The following ACTR3 variants were observed in gnomAD, a reference collection of about 807,000 sequenced individuals.
ACTR3 encodes the protein actin-related protein 3.
In ACTR3, 12 loss-of-function variants were observed where a neutral mutation model predicts 56.8. The observed-to-expected ratio is 0.21, with a 90% CI of 0.14 to 0.34. The LOEUF is 0.34. Ranked by LOEUF, ACTR3 falls within the 10% of genes least tolerant of loss-of-function variation. The pLI is 1.00. For synonymous variants in ACTR3, 162 were observed against 167.4 expected, an observed-to-expected ratio of 0.97 and a Z score of 0.25; for missense variants, 282 against 512.5, an observed-to-expected ratio of 0.55 and a Z score of 4.34.
intron 8 of ACTR3, among the ~76,000 whole-genome samples, chr2:113,944,894 C>T (rs1372675570): frequency 1.3e-5 from 2 of 151,956 alleles, no homozygotes; most frequent in African/African-American, 4.8e-5. Context: ...GGTTAGATAC[C>T]CAAAACTTTT....
At chr2:113,912,906 T>C (rs989046860) in intron 1 of ACTR3, among the ~76,000 whole-genome samples, 1 of 151,710 alleles carries the variant, frequency 6.6e-6, no homozygotes, top group Non-Finnish European at 1.5e-5. Flanking sequence ...AGAAGCAAGA[T>C]TGTAGCTAAT....
chr2:113,900,316 A>G (rs991123100), intron 1 of ACTR3, among the ~76,000 whole-genome samples: 12 of 152,070 alleles, frequency 7.9e-5, no homozygotes, highest in Admixed American at 2.6e-4. Context: ...CTTAGCAAAC[A>G]CTAATTTACT....
intron 4 of ACTR3, among the ~76,000 whole-genome samples, chr2:113,929,430 C>G (rs1419534457): frequency 6.6e-6 from 1 of 151,972 alleles, no homozygotes; most frequent in African/African-American, 2.4e-5. Flanking sequence ...TGGCTTAGTT[C>G]TAGTTTTTGG....
intron 3 of ACTR3, among the ~76,000 whole-genome samples, chr2:113,924,552 C>G (rs948840629): frequency 6.6e-6 from 1 of 152,158 alleles, no homozygotes; most frequent in African/African-American, 2.4e-5. Flanking sequence ...AAAAATTTCT[C>G]TGCTGTTTTA....
rs759848544 is a variant in ACTR3, at chr2:113,927,464, C to T, written c.336+9C>T. 5.8e-6 allele frequency: 9 copies of T among 1,562,442 alleles called. No homozygotes were observed. In the Admixed American group the frequency reaches 1.5e-4, roughly 26 times the overall value. On this transcript the variant is annotated intron_variant, in intron 4 of 11. Coordinates refer to ENST00000263238, the MANE Select transcript of ACTR3 (RefSeq NM_005721.5). ...ACCATTATTTTCTTTTGGTAAGTTACAAGTTATAATTTCACTGAGGAAATT... is the reference window on the plus strand; with the variant it reads ...ACCATTATTTTCTTTTGGTAAGTTATAAGTTATAATTTCACTGAGGAAATT...
At chr2:113,931,271 A>G in intron 4 of ACTR3, 30 bp from the exon 5 acceptor site, 2 of 1,281,128 alleles carry the variant, frequency 1.6e-6, no homozygotes, top group South Asian at 1.4e-5. Context: ...ATCTGATATT[A>G]TCTATTTAAA....
intron 1 of ACTR3, among the ~76,000 whole-genome samples, chr2:113,891,883 CA>C (rs1678908868): frequency 6.6e-6 from 1 of 151,954 alleles, no homozygotes; most frequent in Non-Finnish European, 1.5e-5. Context: ...TTCTCTGAAC[CA>C]ATAATTTTTT....
At chr2:113,910,743 C>G (rs1205186560) in intron 1 of ACTR3, among the ~76,000 whole-genome samples, 2 of 152,166 alleles carry the variant, frequency 1.3e-5, no homozygotes, top group East Asian at 3.9e-4. Context: ...GGTGTGTAAG[C>G]AGAGGAAAAA....
chr2:113,909,505 C>T (rs2104590047), intron 1 of ACTR3, among the ~76,000 whole-genome samples: 1 of 152,004 alleles, frequency 6.6e-6, no homozygotes, highest in Non-Finnish European at 1.5e-5. Context: ...ATATGTGTGG[C>T]TTATGGTTGA....
chr2:113,915,081 C>T (rs1411545758), intron 2 of ACTR3, among the ~76,000 whole-genome samples: 1 of 152,170 alleles, frequency 6.6e-6, no homozygotes, highest in African/African-American at 2.4e-5. Context: ...TGGGCTAGTA[C>T]TTGACTTTAG....
intron 1 of ACTR3, 194 bp downstream of exon 1, chr2:113,890,517 G>T (rs1419347787): frequency 3.7e-6 from 5 of 1,348,236 alleles, no homozygotes; most frequent in Non-Finnish European, 4.8e-6. Context: ...TCCTGGGACT[G>T]GGGCGGGGGC....
In ACTR3 at chr2:113,960,923, G is replaced by A. The variant is rs147039529; in HGVS notation, c.*3468G>A. 1.5e-3 allele frequency: 234 copies of A among 152,124 alleles called. 1 individual carries two copies. Among genetic ancestry groups the A allele is most frequent in the African/African-American group, 5.3e-3 (221 of 41,544 alleles). 9.4% of individuals were successfully genotyped at this position (152,124 alleles called of 1,614,324 possible). ...ATATATTTCATTGTAACAGCACCTT[G>A]TATATATAGTTGGCCAAGGACAGAG... is the stretch of plus-strand genomic sequence containing the variant. On this transcript the variant is annotated 3_prime_UTR_variant, in exon 12 of 12. Transcript: ENST00000263238.
chr2:113,899,127 A>G (rs993604065), intron 1 of ACTR3, among the ~76,000 whole-genome samples: 1 of 152,228 alleles, frequency 6.6e-6, no homozygotes, highest in African/African-American at 2.4e-5. Context: ...TGATTAACCT[A>G]TAACACATTA....
chr2:113,916,441 A>G (rs2104596031), intron 2 of ACTR3, among the ~76,000 whole-genome samples: 1 of 152,300 alleles, frequency 6.6e-6, no homozygotes. Flanking sequence ...CCCAATCACT[A>G]TTACTAGACC....
chr2:113,894,615 G>C (rs1678970567), intron 1 of ACTR3, among the ~76,000 whole-genome samples: 1 of 152,122 alleles, frequency 6.6e-6, no homozygotes, highest in African/African-American at 2.4e-5. Context: ...TTGAAATATT[G>C]ACTTTGGATT....
intron 8 of ACTR3, among the ~76,000 whole-genome samples, chr2:113,949,432 T>G (rs1680082121): frequency 1.3e-5 from 2 of 150,502 alleles, no homozygotes; most frequent in South Asian, 4.2e-4. Flanking sequence ...GCCTAATAAT[T>G]ATCAATACAG....
At chr2:113,922,233 A>G (rs1231492540) in intron 3 of ACTR3, among the ~76,000 whole-genome samples, 2 of 152,166 alleles carry the variant, frequency 1.3e-5, no homozygotes, top group Admixed American at 6.5e-5. Flanking sequence ...TTAAGATGGA[A>G]GACATGTCTG....
intron 3 of ACTR3, among the ~76,000 whole-genome samples, chr2:113,918,335 G>T (rs938739991): frequency 1.3e-5 from 2 of 150,306 alleles, no homozygotes; most frequent in African/African-American, 4.9e-5. Flanking sequence ...TGATTTCTTC[G>T]TCTGTAAAAT....
chr2:113,906,543 T>G (rs1338439372), intron 1 of ACTR3, among the ~76,000 whole-genome samples: 7 of 152,180 alleles, frequency 4.6e-5, no homozygotes, highest in Admixed American at 2.0e-4. Flanking sequence ...ATAGCCAAAT[T>G]TAGTATCATG....
Sources: allele counts gnomAD v4.1 joint callset (sites outside exome capture counted in the v4.1 genomes callset), GRCh38; gene constraint gnomAD v4.1.1; transcripts MANE v1.5; gene names NCBI Gene and HGNC (gene_info 2026-07-23, HGNC 2026-07-21).